RPRD2: variants seen among roughly 807,000 people sequenced by gnomAD.
RPRD2 encodes regulation of nuclear pre-mRNA domain containing 2.
A neutral mutation model predicts 104.4 loss-of-function variants in RPRD2; 12 were observed. The observed-to-expected ratio is 0.11, with a 90% CI of 0.07 to 0.19. RPRD2 has a LOEUF of 0.19. RPRD2 is among the 10% of genes least tolerant of loss of function. RPRD2 has a pLI of 1.00. For missense variants in RPRD2, 1,543 were observed against 1,790.1 expected (o/e 0.86, Z 2.49); for synonymous variants, 714 against 684.9 (o/e 1.04, Z -0.66).
intron 1 of RPRD2, among the ~76,000 whole-genome samples, chr1:150,415,674 C>T (rs371522433): frequency 1.3e-5 from 2 of 151,802 alleles, no homozygotes; most frequent in East Asian, 1.9e-4. Context: ...GGAGTGAGAC[C>T]CTGTCTCCAA....
chr1:150,450,222 A>G (rs1667058771), intron 7 of RPRD2, among the ~76,000 whole-genome samples: 1 of 152,150 alleles, frequency 6.6e-6, no homozygotes, highest in African/African-American at 2.4e-5. Context: ...TTATTTGAAA[A>G]TAAGTTGCTT....
intron 2 of RPRD2, among the ~76,000 whole-genome samples, chr1:150,433,462 T>TTTTTTTTA (rs1665750347): frequency 6.9e-6 from 1 of 143,910 alleles, no homozygotes; most frequent in African/African-American, 2.5e-5. Context: ...TTTTTTTTTT[T>TTTTTTTTA]GAGACGGAGT....
intron 1 of RPRD2, among the ~76,000 whole-genome samples, chr1:150,373,533 C>CTTTTTTT (rs56743462): frequency 0.015 from 1,491 of 97,356 alleles, 210 homozygotes; most frequent in Non-Finnish European, 0.016. Flanking sequence ...TCAAGAATGA[C>CTTTTTTT]TTTTTTTTTT....
chr1:150,457,364 C>T lies in RPRD2; in HGVS notation c.947C>T (p.Pro316Leu), dbSNP rs1030874359. 1.2e-6 allele frequency: 2 copies of T among 1,610,288 alleles called. No homozygotes were observed. The highest frequency in any genetic ancestry group is 1.1e-5 in the South Asian group (1 of 90,988). ...LDQLKSTLPD[P>L]EESPVPSPSM... ...CAATTGAAGTCAACCCTTCCAGATCCTGAAGAATCACCAGTTCCTTCCCCA... is the reference window on the plus strand; with the variant it reads ...CAATTGAAGTCAACCCTTCCAGATCTTGAAGAATCACCAGTTCCTTCCCCA... Residue 316 changes from proline to leucine, a missense_variant, in exon 8 of 11, where the codon CCT (proline) becomes CTT (leucine). By Grantham distance (98) the Pro-to-Leu change is moderately conservative. This residue lies in a region of RPRD2 where 572 missense variants were observed against 787.3 expected (regional missense o/e 0.73). Transcript: ENST00000369068.
At chr1:150,454,587 C>T (rs1456981918) in intron 7 of RPRD2, among the ~76,000 whole-genome samples, 2 of 152,128 alleles carry the variant, frequency 1.3e-5, no homozygotes, top group Admixed American at 1.3e-4. Context: ...GTGGCTCACA[C>T]GTGTAATCCC....
At chr1:150,435,224 A>G (rs1324723334) in intron 2 of RPRD2, among the ~76,000 whole-genome samples, 1 of 152,142 alleles carries the variant, frequency 6.6e-6, no homozygotes, top group Non-Finnish European at 1.5e-5. Context: ...CTAACCCACC[A>G]TTCCCCATCT....
chr1:150,371,716 G>T (rs1660313615), intron 1 of RPRD2, among the ~76,000 whole-genome samples: 1 of 152,156 alleles, frequency 6.6e-6, no homozygotes, highest in Non-Finnish European at 1.5e-5. Context: ...GCTAATAGGT[G>T]GTGGAGATGG....
chr1:150,385,301 C>A (rs72696848), intron 1 of RPRD2, among the ~76,000 whole-genome samples: 12,433 of 151,650 alleles, frequency 0.082, 670 homozygotes, highest in Non-Finnish European at 0.12. Flanking sequence ...CATATCTAAC[C>A]CCGCACCACC....
intron 2 of RPRD2, among the ~76,000 whole-genome samples, chr1:150,429,842 T>C (rs1310723508): frequency 1.3e-5 from 2 of 152,228 alleles, no homozygotes; most frequent in African/African-American, 4.8e-5. Context: ...ATAAAATAAC[T>C]ACATCCTTGA....
intron 1 of RPRD2, among the ~76,000 whole-genome samples, chr1:150,387,563 A>T (rs1553882065): frequency 9.1e-6 from 1 of 110,320 alleles, no homozygotes; most frequent in Non-Finnish European, 1.9e-5. Flanking sequence ...AAGTTGCAAC[A>T]GACCTTTTTT....
intron 1 of RPRD2, among the ~76,000 whole-genome samples, chr1:150,384,713 G>T (rs184913334): frequency 2.0e-5 from 3 of 150,000 alleles, no homozygotes; most frequent in Non-Finnish European, 4.4e-5. Flanking sequence ...CACCCTGTTG[G>T]CCAAGCTGGT....
In RPRD2 at chr1:150,425,239, G is replaced by C. The variant is rs148591863; in HGVS notation, c.335+7514G>C. 6.2e-3 allele frequency among the ~76,000 whole-genome samples: 946 copies of C among 152,298 alleles called. 28 individuals carry two copies. The highest frequency in any genetic ancestry group is 0.058 in the South Asian group (281 of 4,832). On this transcript the variant is annotated intron_variant, in intron 2 of 10. Coordinates refer to ENST00000369068, the MANE Select transcript of RPRD2 (RefSeq NM_015203.5). ...AACAATAAATATTAGCTGCTGCTAT[G>C]ATGAGGAAGATGACTGTGCCTACTA...
chr1:150,431,483 T>TGTTTGTTTGTTTG (rs1239350090), intron 2 of RPRD2, among the ~76,000 whole-genome samples: 4 of 141,306 alleles, frequency 2.8e-5, no homozygotes, highest in African/African-American at 7.9e-5. Flanking sequence ...ATTTTTTTTT[T>TGTTTGTTTGTTTG]TTTTTTTTTT....
Position 150,365,011 on chromosome 1 carries a change from C to T in RPRD2, c.205+92C>T, listed in dbSNP as rs1384270915. ...TTGGGGTTTTCCCACGGAGCCGCAGCATTTGGTTGGGGTTGTTCACATTAA... is the reference window on the plus strand; with the variant it reads ...TTGGGGTTTTCCCACGGAGCCGCAGTATTTGGTTGGGGTTGTTCACATTAA... On this transcript the variant is annotated intron_variant, in intron 1 of 10. Coordinates refer to ENST00000369068, the MANE Select transcript of RPRD2 (RefSeq NM_015203.5). 3.8e-6 allele frequency: 5 copies of T among 1,333,328 alleles called. No homozygotes were observed. The South Asian group carries it at 5.4e-5, about 14-fold the overall frequency. 82.6% of individuals were successfully genotyped at this position (1,333,328 alleles called of 1,614,324 possible). A position where few individuals can be genotyped will look rare whatever the true frequency, so the allele number is the denominator to read the frequency against.
chr1:150,446,494 A>AT, intron 7 of RPRD2, 93 bp downstream of exon 7: 1 of 1,085,136 alleles, frequency 9.2e-7, no homozygotes, highest in Admixed American at 2.6e-5. Context: ...TAGGATATGC[A>AT]TTTTTATCTC....
intron 2 of RPRD2, among the ~76,000 whole-genome samples, chr1:150,432,628 T>TTA (rs781900141): frequency 2.6e-5 from 3 of 113,450 alleles, no homozygotes; most frequent in Non-Finnish European, 3.5e-5. Flanking sequence ...AAGAAAATGA[T>TTA]AAAAAAAAAA....
intron 1 of RPRD2, among the ~76,000 whole-genome samples, chr1:150,389,261 G>A (rs1310246597): frequency 6.6e-6 from 1 of 151,972 alleles, no homozygotes; most frequent in Non-Finnish European, 1.5e-5. Context: ...TGTTGCCCAG[G>A]CTTGTCTCAA....
At chr1:150,412,172 G>A (rs1553887822) in intron 1 of RPRD2, among the ~76,000 whole-genome samples, 1 of 152,130 alleles carries the variant, frequency 6.6e-6, no homozygotes, top group African/African-American at 2.4e-5. Context: ...TCTTCTGGAT[G>A]CTTATAATCC....
At chr1:150,424,486 C>T (rs907954401) in intron 2 of RPRD2, among the ~76,000 whole-genome samples, 1 of 152,048 alleles carries the variant, frequency 6.6e-6, no homozygotes, top group Non-Finnish European at 1.5e-5. Context: ...CAGGGTTTCA[C>T]CATGTTGGTC....
Sources: allele counts gnomAD v4.1 joint callset (sites outside exome capture counted in the v4.1 genomes callset), GRCh38; gene constraint gnomAD v4.1.1; regional missense constraint gnomAD v4.1.1; transcripts MANE v1.5; gene names NCBI Gene and HGNC (gene_info 2026-07-23, HGNC 2026-07-21).